Variants in CNKSR1 observed in about 807,000 individuals in gnomAD.
CNKSR1 encodes connector enhancer of kinase suppressor of Ras 1.
Under a neutral mutation model 95.6 loss-of-function variants are expected in CNKSR1, and 88 were observed. The observed-to-expected ratio is 0.92, with a 90% CI of 0.78 to 1.10. The LOEUF is 1.10. CNKSR1 is among the 50% of genes least tolerant of loss of function. CNKSR1 has a pLI of 0.00. For missense variants in CNKSR1, 836 were observed against 912.0 expected, an observed-to-expected ratio of 0.92 and a Z score of 1.07; for synonymous variants, 355 against 369.7, an observed-to-expected ratio of 0.96 and a Z score of 0.46.
intron 6 of CNKSR1, 70 bp downstream of exon 6, chr1:26,182,654 C>G: frequency 7.7e-7 from 1 of 1,302,226 alleles, no homozygotes; most frequent in Non-Finnish European, 1.1e-6. Flanking sequence ...AAATAGGGTC[C>G]AGGATCCCAC....
chr1:26,178,972 G>T (rs530285826), intron 1 of CNKSR1, among the ~76,000 whole-genome samples: 1 of 152,318 alleles, frequency 6.6e-6, no homozygotes, highest in South Asian at 2.1e-4. Flanking sequence ...AGAAGGGGAA[G>T]AATTCCTTCG....
At chr1:26,180,657 G>C (rs1008759011) in intron 2 of CNKSR1, 47 bp downstream of exon 2, 9 of 1,613,988 alleles carry the variant, frequency 5.6e-6, no homozygotes, top group Non-Finnish European at 7.6e-6. Flanking sequence ...CCAACCTGGG[G>C]GGTGTGATGG....
At chr1:26,183,474 G>A (rs1271164985) in intron 8 of CNKSR1, 60 bp downstream of exon 8, 5 of 1,566,380 alleles carry the variant, frequency 3.2e-6, no homozygotes, top group Non-Finnish European at 4.4e-6. Flanking sequence ...ACCCAAGTCT[G>A]GTGGGTGGGG....
intron 6 of CNKSR1, 109 bp downstream of exon 6, chr1:26,182,693 C>G: frequency 4.8e-6 from 5 of 1,034,640 alleles, no homozygotes; most frequent in South Asian, 1.4e-5. Flanking sequence ...GGCTGGAAAG[C>G]CTTTTTTGTA....
chr1:26,180,748 C>G lies in CNKSR1; in HGVS notation c.244C>G (p.Leu82Val), dbSNP rs764063260. ...GCTACAGACAGAGAACCTGCAAAGC[C>G]TGACAGAGGGACTTCTGGGGGCAAC... is the stretch of plus-strand genomic sequence containing the variant. ...SRLQTENLQS[L>V]TEGLLGATHD... Residue 82 changes from leucine (L) to valine (V), a missense_variant, in exon 3 of 21, where the codon CTG (leucine) becomes GTG (valine). Coordinates refer to ENST00000361530, the MANE Select transcript of CNKSR1 (RefSeq NM_006314.3). 4 of 1,614,210 alleles carry G rather than the reference C, an allele frequency of 2.5e-6. No homozygotes were observed. The highest frequency in any genetic ancestry group is 3.4e-6 in the Non-Finnish European group (4 of 1,180,032).
At chr1:26,182,043 G>C (rs2124509297) in intron 4 of CNKSR1, 102 bp downstream of exon 4, 1 of 1,140,248 alleles carries the variant, frequency 8.8e-7, no homozygotes, top group Non-Finnish European at 1.3e-6. Context: ...TATGAGGATT[G>C]AGACGGGCGA....
intron 9 of CNKSR1, 32 bp from the exon 10 acceptor site, chr1:26,184,039 T>A (rs1281844933): frequency 1.3e-6 from 2 of 1,521,236 alleles, no homozygotes; most frequent in Non-Finnish European, 1.8e-6. Flanking sequence ...CAGACCCCTG[T>A]CTCCATTGCT....
rs138746257 is a variant in CNKSR1 at position 26,189,874 on chromosome 1, T to C, written c.*326T>C. 2.3e-3 allele frequency: 1,284 copies of C among 546,976 alleles called. 7 individuals are homozygous for C. Among genetic ancestry groups the C allele is most frequent in the Non-Finnish European group, 2.6e-3 (760 of 297,560 alleles). 33.9% of individuals were successfully genotyped at this position (546,976 alleles called of 1,614,324 possible). The stretch of plus-strand genomic sequence containing the variant: ...TACTTTCCAACCAAATAAAGTCAAT[T>C]TTTCTAAGAATGAGTCTACATGTAA... On this transcript the variant is annotated 3_prime_UTR_variant, in exon 21 of 21. Coordinates refer to ENST00000361530, the MANE Select transcript of CNKSR1 (RefSeq NM_006314.3).
Position 26,181,790 on chromosome 1 carries a change from GGTGA to G in CNKSR1, c.393-64_393-61del, listed in dbSNP as rs1322801320. ...CCCCAAGTCTCTGAGGTGAGTAATT[GGTGA>G]GTAATTGGCTCTGAGTGGTTAAGCA... On this transcript the variant is annotated intron_variant, in intron 3 of 20. Coordinates refer to ENST00000361530, the MANE Select transcript of CNKSR1 (RefSeq NM_006314.3). 4 of 1,467,656 alleles carry G rather than the reference GGTGA, an allele frequency of 2.7e-6. No homozygotes were observed. In the East Asian group the frequency reaches 9.1e-5, roughly 33 times the overall value. 90.9% of individuals were successfully genotyped at this position (1,467,656 alleles called of 1,614,324 possible).
chr1:26,183,171 G>T (rs200648292), intron 6 of CNKSR1, 26 bp from the exon 7 acceptor site: 3 of 1,613,036 alleles, frequency 1.9e-6, no homozygotes, highest in Non-Finnish European at 2.5e-6. Flanking sequence ...CCCAGCCCCC[G>T]GTGACTATAG....
chr1:26,180,932 T>C (rs1421777870), intron 3 of CNKSR1, 36 bp downstream of exon 3: 1 of 1,613,114 alleles, frequency 6.2e-7, no homozygotes, highest in Non-Finnish European at 8.5e-7. Flanking sequence ...GGGACTATTG[T>C]CATCCTTGGC....
At chr1:26,178,425 A>G (rs2088596249) in intron 1 of CNKSR1, among the ~76,000 whole-genome samples, 1 of 152,166 alleles carries the variant, frequency 6.6e-6, no homozygotes, top group Admixed American at 6.5e-5. Context: ...GCTCCTATCC[A>G]AGGGGCAAGG....
At chr1:26,185,302 G>T in intron 14 of CNKSR1, 116 bp downstream of exon 14, 9 of 1,079,470 alleles carry the variant, frequency 8.3e-6, no homozygotes, top group Non-Finnish European at 1.1e-5. Context: ...GTCCCCATCT[G>T]TAAAATGGGG....
rs1335002267 is a variant in CNKSR1 at position 26,188,441 on chromosome 1, G to A, written c.1529-1G>A. The A allele has an allele frequency of 1.2e-6, 2 of 1,605,488 alleles. No individual in the cohort carries two copies. Among genetic ancestry groups the A allele is most frequent in the Non-Finnish European group, 1.7e-6 (2 of 1,176,014 alleles). ...AAACCCACTGCTGCTCCTCACCCCA[G>A]ACTGCTACAGTGAGACCGAAGCAGA... is the stretch of plus-strand genomic sequence containing the variant. On this transcript the variant is annotated splice_acceptor_variant, in intron 17 of 20. Coordinates refer to ENST00000361530, the MANE Select transcript of CNKSR1 (RefSeq NM_006314.3). LOFTEE classifies it high-confidence loss of function.
chr1:26,177,570 C>A lies in CNKSR1; in HGVS notation c.23C>A (p.Thr8Asn), dbSNP rs1168692333. 1.2e-6 allele frequency: 2 copies of A among 1,613,984 alleles called. No individual in the cohort carries two copies. The highest frequency in any genetic ancestry group is 1.7e-6 in the Non-Finnish European group (2 of 1,179,930). Residue 8 changes from threonine (T) to asparagine (N), a missense_variant, in exon 1 of 21, where the codon ACC (threonine) becomes AAC (asparagine). Thr to Asn is a moderately conservative substitution (Grantham distance 65). Coordinates refer to ENST00000361530, the MANE Select transcript of CNKSR1 (RefSeq NM_006314.3). MEPVETW[T>N]PGKVATWLRG... ...GCCATGGAACCGGTAGAGACCTGGA[C>A]CCCCGGAAAGGTGGCAACTTGGCTG... is the stretch of plus-strand genomic sequence containing the variant.
rs139381171 is a variant in CNKSR1, at chr1:26,184,274, C to G, written c.987C>G (p.Ser329Arg). ...CTTCAAACCCCAGTCCCGGACCCAG[C>G]CCTGCCTGGACAGGTAGTCTCAAAG... The part of the protein sequence containing the change: ...DLSSNPSPGP[S>R]PAWTDSASLG... The change falls in exon 11 of 21, where the codon AGC (serine) becomes AGG (arginine). Residue 329 changes from serine (S) to arginine (R), a missense_variant. Physicochemically the swap from Ser to Arg is moderately radical, Grantham distance 110 (BLOSUM62 -1). Coordinates refer to ENST00000361530, the MANE Select transcript of CNKSR1 (RefSeq NM_006314.3). The G allele has an allele frequency of 5.6e-6, 9 of 1,613,682 alleles. No individual in the cohort carries two copies. The highest frequency in any genetic ancestry group is 7.6e-6 in the Non-Finnish European group (9 of 1,179,920).
At chr1:26,181,647 G>C in intron 3 of CNKSR1, 1 of 596,286 alleles carries the variant, frequency 1.7e-6, no homozygotes, top group East Asian at 3.0e-5. Flanking sequence ...TTTCCCCAGT[G>C]CCTAGAACAG....
intron 4 of CNKSR1, 41 bp from the exon 5 acceptor site, chr1:26,182,320 C>T (rs1434548317): frequency 6.2e-7 from 1 of 1,608,934 alleles, no homozygotes; most frequent in Admixed American, 1.7e-5. Flanking sequence ...CCTTATGGCC[C>T]TTGCTCAGGG....
Position 26,189,517 on chromosome 1 carries a change from CAG to C in CNKSR1, c.2116_2117del (p.Ser706GlnfsTer6), listed in dbSNP as rs1340631926. ...CACTCCCATCTCTGCCCCCTGACCT[CAG>C]AGAGCAGCCTCCGACCTCCTGACCT... is the stretch of plus-strand genomic sequence containing the variant. On this transcript the variant is annotated frameshift_variant, in exon 21 of 21. Transcript: ENST00000361530. LOFTEE classifies it high-confidence loss of function. 6.3e-7 allele frequency: 1 copy of C among 1,591,246 alleles called. No individual in the cohort carries two copies. The highest frequency in any genetic ancestry group is 8.6e-7 in the Non-Finnish European group (1 of 1,159,316).
Sources: allele counts gnomAD v4.1 joint callset (sites outside exome capture counted in the v4.1 genomes callset), GRCh38; gene constraint gnomAD v4.1.1; transcripts MANE v1.5; gene names NCBI Gene and HGNC (gene_info 2026-07-23, HGNC 2026-07-21).